DTNB: variants seen among roughly 807,000 people sequenced by gnomAD.
DTNB encodes dystrobrevin beta, also known as DTN-B.
Under a neutral mutation model 90.7 loss-of-function variants are expected in DTNB, and 63 were observed. That is an observed-to-expected ratio of 0.69 (90% CI 0.57 to 0.86). The LOEUF (loss-of-function observed/expected upper bound fraction) is 0.86, where lower values mean the gene tolerates loss of function less well. Ranked by LOEUF, DTNB falls within the 40% of genes least tolerant of loss-of-function variation. The pLI, the probability that DTNB is intolerant of heterozygous loss-of-function variation, is 0.00. For missense variants in DTNB, 744 were observed against 807.1 expected (o/e 0.92, Z 0.95); for synonymous variants, 277 against 286.7 (o/e 0.97, Z 0.34).
intron 8 of DTNB, among the ~76,000 whole-genome samples, chr2:25,549,948 A>C (rs1209416774): frequency 6.6e-6 from 1 of 151,824 alleles, no homozygotes; most frequent in Non-Finnish European, 1.5e-5. Flanking sequence ...GGTGTGAGCC[A>C]CTGTGCCCAG....
intron 6 of DTNB, among the ~76,000 whole-genome samples, chr2:25,591,528 G>A (rs928037639): frequency 2.0e-5 from 3 of 152,092 alleles, no homozygotes; most frequent in South Asian, 4.1e-4. Flanking sequence ...GAAAATTTGG[G>A]GAGAAATTTA....
chr2:25,380,400 C>T (rs563787046), intron 19 of DTNB, among the ~76,000 whole-genome samples: 8 of 152,274 alleles, frequency 5.3e-5, no homozygotes, highest in Admixed American at 2.0e-4. Context: ...GTATGAGCTA[C>T]GTTGTAGTTT....
At chr2:25,643,810 G>A (rs1215687437) in intron 2 of DTNB, among the ~76,000 whole-genome samples, 5 of 152,186 alleles carry the variant, frequency 3.3e-5, no homozygotes, top group African/African-American at 9.7e-5. Flanking sequence ...GGTAAAATGA[G>A]GCCAAGACCA....
rs1559169387 is a variant in DTNB at position 25,596,176 on chromosome 2, C to T, written c.513G>A (p.Leu171=). 1 of 1,613,626 alleles carries T rather than the reference C, an allele frequency of 6.2e-7. No individual in the cohort carries two copies. The highest frequency in any genetic ancestry group is 8.5e-7 in the Non-Finnish European group (1 of 1,179,714). ...CTGTTGGGAGCTTCAGAACTTCCTTCAGAAACTGGTCAAACTTGCTAAATA... is the reference window on the plus strand; with the variant it reads ...CTGTTGGGAGCTTCAGAACTTCCTTTAGAAACTGGTCAAACTTGCTAAATA... The part of the protein sequence containing the change: ...LMIFSKFDQF[L]KEVLKLPTAV... Residue 171 remains leucine (L), a synonymous_variant, in exon 6 of 21, where the codon CTG becomes CTA. Coordinates refer to ENST00000406818, the MANE Select transcript of DTNB (RefSeq NM_021907.5).
At chr2:25,570,219 C>T (rs893418562) in intron 8 of DTNB, among the ~76,000 whole-genome samples, 6 of 151,614 alleles carry the variant, frequency 4.0e-5, no homozygotes, top group African/African-American at 1.5e-4. Flanking sequence ...AGTCTGAGAC[C>T]AGTCTGGGCA....
intron 6 of DTNB, among the ~76,000 whole-genome samples, chr2:25,582,316 C>T (rs1324193433): frequency 6.6e-6 from 1 of 152,186 alleles, no homozygotes; most frequent in Admixed American, 6.5e-5. Context: ...GAGTTCCTGT[C>T]TCATAAGGCT....
intron 6 of DTNB, among the ~76,000 whole-genome samples, chr2:25,584,635 C>T (rs1018339386): frequency 6.6e-6 from 1 of 151,914 alleles, no homozygotes; most frequent in Non-Finnish European, 1.5e-5. Context: ...TGACTCACTG[C>T]AACCTCCACC....
At chr2:25,489,083 C>G (rs1575046048) in intron 9 of DTNB, among the ~76,000 whole-genome samples, 1 of 152,208 alleles carries the variant, frequency 6.6e-6, no homozygotes, top group African/African-American at 2.4e-5. Flanking sequence ...TATTACAAAG[C>G]ACAAATTGAG....
chr2:25,390,529 C>T (rs1456147371), intron 16 of DTNB, among the ~76,000 whole-genome samples: 1 of 151,862 alleles, frequency 6.6e-6, no homozygotes, highest in Non-Finnish European at 1.5e-5. Flanking sequence ...GTGCAACCTC[C>T]GTCCCCTGGG....
rs534210629 is a variant in DTNB at position 25,451,181 on chromosome 2, C to T, written c.1257+367G>A. On this transcript the variant is annotated intron_variant, in intron 12 of 20. Coordinates refer to ENST00000406818, the MANE Select transcript of DTNB (RefSeq NM_021907.5). ...TTCATATGCACAATCATGTCATCTT[C>T]AAATAAAGACTGCTTTACTTCTGTC... is the stretch of plus-strand genomic sequence containing the variant. 9.8e-5 allele frequency among the ~76,000 whole-genome samples: 15 copies of T among 152,300 alleles called. No individual in the cohort carries two copies. The South Asian group carries it at 2.9e-3, about 29-fold the overall frequency.
chr2:25,614,519 A>G (rs2069633647), intron 4 of DTNB, among the ~76,000 whole-genome samples: 1 of 152,188 alleles, frequency 6.6e-6, no homozygotes, highest in South Asian at 2.1e-4. Flanking sequence ...CTAAACTAGC[A>G]GAAGACTATT....
chr2:25,382,551 CAG>C (rs2038150513), intron 19 of DTNB, among the ~76,000 whole-genome samples: 1 of 87,512 alleles, frequency 1.1e-5, no homozygotes, highest in Non-Finnish European at 2.0e-5. Context: ...TTTTTTGAGA[CAG>C]AGTCTCTCTT....
chr2:25,424,519 A>G lies in DTNB; in HGVS notation c.1554+3016T>C, dbSNP rs1163661648. 2.0e-5 allele frequency among the ~76,000 whole-genome samples: 3 copies of G among 151,978 alleles called. No individual in the cohort carries two copies. The highest frequency in any genetic ancestry group is 7.3e-5 in the African/African-American group (3 of 41,360). The stretch of plus-strand genomic sequence containing the variant: ...GTACAAGGTTACTTAGGGGAGATAC[A>G]CTCTGGCTTCCCTGCAGTTTACATA... On this transcript the variant is annotated intron_variant, in intron 15 of 20. Coordinates refer to ENST00000406818, the MANE Select transcript of DTNB (RefSeq NM_021907.5). The surrounding 1 kb of genome is among the most constrained non-coding windows in gnomAD (Gnocchi z 4.1).
intron 8 of DTNB, among the ~76,000 whole-genome samples, chr2:25,554,450 TA>T (rs1301577296): frequency 1.3e-5 from 2 of 152,160 alleles, no homozygotes; most frequent in East Asian, 1.9e-4. Context: ...TACCCATAAG[TA>T]AAGCTCATAT....
intron 9 of DTNB, among the ~76,000 whole-genome samples, chr2:25,508,283 T>G (rs1256337422): frequency 6.6e-6 from 1 of 151,958 alleles, no homozygotes; most frequent in Non-Finnish European, 1.5e-5. Context: ...ACAGAGAAAA[T>G]CTGAAGATAA....
chr2:25,457,553 G>T lies in DTNB; in HGVS notation c.1080-2059C>A, dbSNP rs72851412. Among the ~76,000 whole-genome samples the T allele has an allele frequency of 2.0e-3, 311 of 152,176 alleles. 1 individual carries two copies. The highest frequency in any genetic ancestry group is 7.0e-3 in the African/African-American group (292 of 41,520). The stretch of plus-strand genomic sequence containing the variant: ...TCAAGGTACCGTTCCATTTTCTTCT[G>T]GCTTGCATTGCTTTTAATCCTTTTC... On this transcript the variant is annotated intron_variant, in intron 10 of 20. Transcript: ENST00000406818.
chr2:25,567,717 A>T (rs925030868), intron 8 of DTNB, among the ~76,000 whole-genome samples: 17 of 152,126 alleles, frequency 1.1e-4, no homozygotes, highest in African/African-American at 4.1e-4. Flanking sequence ...TTTTGTATCA[A>T]TGGACATACA....
At position 25,528,034 on chromosome 2, in the gene DTNB, T is replaced by G. The variant is rs112354292; in HGVS notation, c.1001+3439A>C. Among the ~76,000 whole-genome samples the G allele has an allele frequency of 3.4e-3, 514 of 152,262 alleles. 2 individuals are homozygous for G. The highest frequency in any genetic ancestry group is 0.012 in the African/African-American group (487 of 41,542). The stretch of plus-strand genomic sequence containing the variant: ...AATATTAGCAAACAAAACCTAGCAG[T>G]GTATTCAAACAATGGCCAACTCAGA... On this transcript the variant is annotated intron_variant, in intron 9 of 20. Coordinates refer to ENST00000406818, the MANE Select transcript of DTNB (RefSeq NM_021907.5).
rs768033162 is a variant in DTNB at position 25,607,318 on chromosome 2, C to T, written c.366G>A (p.Glu122=). Residue 122 remains glutamate, a synonymous_variant, in exon 5 of 21, where the codon GAG becomes GAA. Transcript: ENST00000406818. ...AAAATACCGTCAACTTGCCTCGGCCCTCACTGCAAAATAAATTATATTAGA... is the reference window on the plus strand; with the variant it reads ...AAAATACCGTCAACTTGCCTCGGCCTTCACTGCAAAATAAATTATATTAGA... ...LNFMIAAYDS[E]GRGKLTVFSV... 10 of 1,595,606 alleles carry T rather than the reference C, an allele frequency of 6.3e-6. No homozygotes were observed. The highest frequency in any genetic ancestry group is 7.7e-6 in the Non-Finnish European group (9 of 1,170,568).
Sources: allele counts gnomAD v4.1 joint callset (sites outside exome capture counted in the v4.1 genomes callset), GRCh38; gene constraint gnomAD v4.1.1; non-coding constraint Gnocchi (gnomAD v3.1); transcripts MANE v1.5; gene names NCBI Gene and HGNC (gene_info 2026-07-23, HGNC 2026-07-21).